Variants in HIVEP3 observed in about 807,000 individuals in gnomAD.
The protein encoded by HIVEP3 is transcription factor HIVEP3.
A neutral mutation model predicts 152.8 loss-of-function variants in HIVEP3; 49 were observed. The observed-to-expected ratio is 0.32, with a 90% CI of 0.26 to 0.41. HIVEP3 has a LOEUF of 0.41. Among genes scored for constraint, HIVEP3 ranks in the 10% least tolerant of loss-of-function variants. HIVEP3 has a pLI of 1.00. For synonymous variants in HIVEP3, 1,269 were observed against 1,289.0 expected (o/e 0.98, Z 0.33); for missense variants, 2,790 against 3,103.3 (o/e 0.90, Z 2.40).
intron 1 of HIVEP3, among the ~76,000 whole-genome samples, chr1:41,749,191 G>T (rs1230849751): frequency 6.6e-6 from 1 of 152,196 alleles, no homozygotes; most frequent in Admixed American, 6.5e-5. Context: ...TATGATGGGT[G>T]TAAAAAGAGG....
chr1:41,572,113 T>C (rs1262402136), intron 5 of HIVEP3, among the ~76,000 whole-genome samples: 1 of 152,104 alleles, frequency 6.6e-6, no homozygotes, highest in Non-Finnish European at 1.5e-5. Flanking sequence ...GGAGATGCTG[T>C]TGGTGGGAAG....
At chr1:41,685,846 G>C (rs1296674919) in intron 2 of HIVEP3, among the ~76,000 whole-genome samples, 1 of 152,072 alleles carries the variant, frequency 6.6e-6, no homozygotes, top group Non-Finnish European at 1.5e-5. Flanking sequence ...GTGTAGCATG[G>C]TTCTCTCTCC....
chr1:41,587,144 A>G (rs1164940307), intron 3 of HIVEP3, among the ~76,000 whole-genome samples: 1 of 152,228 alleles, frequency 6.6e-6, no homozygotes, highest in African/African-American at 2.4e-5. Flanking sequence ...GTAGCACTTC[A>G]GTCAGGAGCA....
intron 1 of HIVEP3, among the ~76,000 whole-genome samples, chr1:41,801,034 T>A (rs889349233): frequency 3.3e-5 from 5 of 151,982 alleles, no homozygotes; most frequent in African/African-American, 4.8e-5. Flanking sequence ...AATTACTAAG[T>A]GGAGTTAAAT....
intron 1 of HIVEP3, among the ~76,000 whole-genome samples, chr1:42,030,635 T>C (rs1645607755): frequency 6.6e-6 from 1 of 152,216 alleles, no homozygotes; most frequent in African/African-American, 2.4e-5. Flanking sequence ...CTCGTGGCTC[T>C]TATAATCACA....
At chr1:41,878,379 T>C (rs1016731124) in intron 1 of HIVEP3, among the ~76,000 whole-genome samples, 11 of 152,210 alleles carry the variant, frequency 7.2e-5, no homozygotes, top group African/African-American at 1.2e-4. Context: ...GGTCCTGCTG[T>C]ATTTCAATGG....
intron 1 of HIVEP3, among the ~76,000 whole-genome samples, chr1:41,736,350 T>C (rs1646919557): frequency 6.6e-6 from 1 of 152,162 alleles, no homozygotes; most frequent in Admixed American, 6.5e-5. Flanking sequence ...CCAAGCTCCT[T>C]TGACAAGCTA....
At position 41,853,315 on chromosome 1, in the gene HIVEP3, G is replaced by C. The variant is rs140674778; in HGVS notation, c.-801+65098C>G. Among the ~76,000 whole-genome samples the C allele has an allele frequency of 5.5e-3, 838 of 152,266 alleles. 8 individuals are homozygous for C. The highest frequency in any genetic ancestry group is 0.024 in the Middle Eastern group (7 of 294). The stretch of plus-strand genomic sequence containing the variant: ...TACTGAGACTGGGTGATTTATAAAG[G>C]AAAGAGGTTTAATTGACTCGTAGTT... On this transcript the variant is annotated intron_variant, in intron 1 of 8. Transcript: ENST00000372583.
chr1:41,760,316 TG>T (rs892141414), intron 1 of HIVEP3, among the ~76,000 whole-genome samples: 10 of 152,230 alleles, frequency 6.6e-5, no homozygotes, highest in African/African-American at 2.4e-4. Flanking sequence ...GCAATACTGG[TG>T]GGGGCCGGGG....
intron 1 of HIVEP3, among the ~76,000 whole-genome samples, chr1:41,829,112 C>G (rs772561080): frequency 5.3e-5 from 8 of 152,104 alleles, no homozygotes; most frequent in African/African-American, 1.4e-4. Context: ...AGGCCAGGCA[C>G]TCACATCAGT....
intron 1 of HIVEP3, among the ~76,000 whole-genome samples, chr1:42,025,058 T>C (rs1557566504): frequency 6.6e-6 from 1 of 152,206 alleles, no homozygotes; most frequent in Non-Finnish European, 1.5e-5. Context: ...CTTAATAAAT[T>C]TGATCAATTC....
At chr1:41,980,560 C>T (rs891129148) in intron 1 of HIVEP3, among the ~76,000 whole-genome samples, 14 of 152,116 alleles carry the variant, frequency 9.2e-5, no homozygotes, top group African/African-American at 3.4e-4. Flanking sequence ...GTGAAGATTG[C>T]CTACAATTGG....
chr1:41,843,043 G>C (rs911884625), intron 1 of HIVEP3, among the ~76,000 whole-genome samples: 1 of 152,178 alleles, frequency 6.6e-6, no homozygotes, highest in Admixed American at 6.5e-5. Flanking sequence ...AGGAATGCAG[G>C]ATGCAGGCCC....
intron 1 of HIVEP3, among the ~76,000 whole-genome samples, chr1:41,989,191 A>G (rs1645342053): frequency 6.6e-6 from 1 of 152,216 alleles, no homozygotes; most frequent in African/African-American, 2.4e-5. Context: ...ACACTTAAGC[A>G]TTGCTAAGAG....
At chr1:41,853,649 C>T (rs1003293002) in intron 1 of HIVEP3, among the ~76,000 whole-genome samples, 2 of 151,968 alleles carry the variant, frequency 1.3e-5, no homozygotes, top group African/African-American at 4.8e-5. Flanking sequence ...TAGTAAGGAG[C>T]TTAAAAAACA....
intron 3 of HIVEP3, among the ~76,000 whole-genome samples, chr1:41,624,438 G>A (rs1645088347): frequency 6.6e-6 from 1 of 152,200 alleles, no homozygotes; most frequent in Non-Finnish European, 1.5e-5. Context: ...AGTGCTGCCG[G>A]TTTAATTTGG....
intron 2 of HIVEP3, among the ~76,000 whole-genome samples, chr1:41,683,830 C>T (rs1173960058): frequency 6.6e-6 from 1 of 152,186 alleles, no homozygotes; most frequent in Non-Finnish European, 1.5e-5. Flanking sequence ...GGTGCTGCCC[C>T]TCACTGCCAT....
intron 1 of HIVEP3, among the ~76,000 whole-genome samples, chr1:41,784,813 C>T (rs1372100839): frequency 6.6e-6 from 1 of 152,174 alleles, no homozygotes; most frequent in East Asian, 1.9e-4. Flanking sequence ...TAATTATTAG[C>T]CACAAAACAG....
intron 1 of HIVEP3, among the ~76,000 whole-genome samples, chr1:41,898,336 G>A (rs1644567443): frequency 6.6e-6 from 1 of 152,150 alleles, no homozygotes; most frequent in South Asian, 2.1e-4. Context: ...CCCTGGAGGG[G>A]GAGGGGGCAG....
Sources: gnomAD v4.1 joint callset for allele counts (sites outside exome capture counted in the v4.1 genomes callset) on GRCh38, gnomAD v4.1.1 for gene constraint, MANE v1.5 for transcripts, NCBI Gene and HGNC (gene_info 2026-07-23, HGNC 2026-07-21) for gene names.